The following CNPY2 variants were observed in gnomAD, a reference collection of about 807,000 sequenced individuals.
CNPY2 encodes protein canopy homolog 2.
CNPY2 carries 19 observed loss-of-function variants against 25.5 expected under a neutral mutation model. That is an observed-to-expected ratio of 0.74 (90% confidence interval 0.52 to 1.09). The LOEUF (loss-of-function observed/expected upper bound fraction) is 1.09, where lower values mean the gene tolerates loss of function less well. Among genes scored for constraint, CNPY2 ranks in the 50% least tolerant of loss-of-function variants. The probability of loss-of-function intolerance (pLI) is 0.00; values close to 1 mark genes in which losing one functional copy is unlikely to be tolerated. For missense variants in CNPY2, 214 were observed against 233.6 expected (o/e 0.92, Z 0.55); for synonymous variants, 82 against 85.0 (o/e 0.96, Z 0.19).
chr12:56,313,169 C>T (rs1002828373), intron 3 of CNPY2, among the ~76,000 whole-genome samples: 2 of 152,050 alleles, frequency 1.3e-5, no homozygotes, highest in African/African-American at 2.4e-5. Context: ...GTGTGACGTT[C>T]CCCTCCCTGT....
chr12:56,313,899 C>T (rs1286395145), intron 3 of CNPY2, among the ~76,000 whole-genome samples: 1 of 151,244 alleles, frequency 6.6e-6, no homozygotes, highest in African/African-American at 2.4e-5. Context: ...AGCCACCGCG[C>T]CCGGCCTTTT....
intron 3 of CNPY2, among the ~76,000 whole-genome samples, chr12:56,313,067 G>A (rs1873769141): frequency 6.6e-6 from 1 of 152,098 alleles, no homozygotes; most frequent in Non-Finnish European, 1.5e-5. Context: ...GTGCCATGGT[G>A]GTTTGCTACA....
chr12:56,314,687 G>A, intron 3 of CNPY2, 164 bp downstream of exon 3: 1 of 1,475,438 alleles, frequency 6.8e-7, no homozygotes, highest in Non-Finnish European at 9.0e-7. Flanking sequence ...CAGGAAGCAA[G>A]TGCATGGGGA....
At chr12:56,314,622 ACTCC>A (rs1403611875) in intron 3 of CNPY2, 2 of 1,403,368 alleles carry the variant, frequency 1.4e-6, no homozygotes, top group Non-Finnish European at 1.9e-6. Flanking sequence ...GCTGATCAGG[ACTCC>A]CTGTTTGCTA....
In CNPY2 at chr12:56,310,161, C is replaced by T. The variant is rs947459910; in HGVS notation, c.*391G>A. On this transcript the variant is annotated 3_prime_UTR_variant, in exon 6 of 6. Coordinates refer to ENST00000273308, the MANE Select transcript of CNPY2 (RefSeq NM_014255.7). ...ATTCTACACTACCATACACTATGTT[C>T]CCCTGCTTCCTCATGGAGGTTCCTC... 2 of 609,238 alleles carry T rather than the reference C, an allele frequency of 3.3e-6. No homozygotes were observed. The highest frequency in any genetic ancestry group is 5.8e-6 in the Non-Finnish European group (2 of 344,306). 37.7% of individuals were successfully genotyped at this position (609,238 alleles called of 1,614,324 possible).
intron 3 of CNPY2, chr12:56,312,996 T>C (rs1049343677): frequency 4.6e-5 from 7 of 152,232 alleles, no homozygotes; most frequent in African/African-American, 1.7e-4. Flanking sequence ...TTTTTTTAAA[T>C]TATAGTTTAA....
At chr12:56,316,214 A>C (rs1873948461), upstream of CNPY2, 1 of 152,786 alleles carries the variant, frequency 6.5e-6, no homozygotes, top group East Asian at 1.9e-4. Context: ...GTAGAATAGG[A>C]GTGGCCTTAA....
intron 3 of CNPY2, chr12:56,314,483 T>C (rs1873821472): frequency 8.9e-7 from 1 of 1,129,824 alleles, no homozygotes; most frequent in Non-Finnish European, 1.1e-6. Context: ...ATTATGAGGA[T>C]AAGACCTTTT....
At chr12:56,310,855 G>T in intron 5 of CNPY2, 103 bp downstream of exon 5, 1 of 1,064,986 alleles carries the variant, frequency 9.4e-7, no homozygotes, top group Non-Finnish European at 1.4e-6. Flanking sequence ...GACAGCTCTT[G>T]ACCTAATACC....
intron 3 of CNPY2, chr12:56,311,832 G>T (rs1429389616): frequency 4.1e-6 from 1 of 245,138 alleles, no homozygotes; most frequent in Non-Finnish European, 8.0e-6. Context: ...GATTACAGAC[G>T]TGAGCCACTG....
In CNPY2 at chr12:56,310,005, T is replaced by G. The variant is rs1464277231; in HGVS notation, c.*547A>C. On this transcript the variant is annotated 3_prime_UTR_variant, in exon 6 of 6. Transcript: ENST00000273308. The stretch of plus-strand genomic sequence containing the variant: ...GGTCACATCCATTTTCCCCTTCCTG[T>G]CTCTGTTCTTGCTGGTCCCTCCATC... 1.4e-6 allele frequency: 1 copy of G among 702,084 alleles called. No individual in the cohort carries two copies. Among genetic ancestry groups the G allele is most frequent in the Non-Finnish European group, 2.6e-6 (1 of 384,748 alleles). 43.5% of individuals were successfully genotyped at this position (702,084 alleles called of 1,614,324 possible).
At chr12:56,314,512 TCA>T in intron 3 of CNPY2, 2 of 1,156,482 alleles carry the variant, frequency 1.7e-6, no homozygotes, top group Non-Finnish European at 2.1e-6. Context: ...TTCTGTTTTT[TCA>T]TTTTTTATTT....
intron 3 of CNPY2, among the ~76,000 whole-genome samples, chr12:56,313,430 C>T (rs891683033): frequency 3.3e-5 from 5 of 151,792 alleles, no homozygotes; most frequent in South Asian, 2.1e-4. Context: ...GCAGAGGTTG[C>T]GGTGAGCCGA....
At chr12:56,313,727 C>T (rs556672011) in intron 3 of CNPY2, among the ~76,000 whole-genome samples, 8 of 151,304 alleles carry the variant, frequency 5.3e-5, no homozygotes, top group African/African-American at 1.9e-4. Flanking sequence ...TCGTCTCAGC[C>T]TCCTGAGTAG....
chr12:56,311,024 C>CA lies in CNPY2; in HGVS notation c.438dup (p.Glu147Ter). 1.2e-6 allele frequency: 2 copies of CA among 1,614,152 alleles called. No individual in the cohort carries two copies. The highest frequency in any genetic ancestry group is 1.7e-6 in the Non-Finnish European group (2 of 1,180,042). On this transcript the variant is annotated frameshift_variant, in exon 5 of 6. Transcript: ENST00000273308. LOFTEE classifies it high-confidence loss of function. ...TCTCGGGAAAAGAATTCAATGAGTT[C>CA]ATCCTCGTATTCCTCCACAATGCTC...
At chr12:56,313,155 T>C (rs1421083917) in intron 3 of CNPY2, among the ~76,000 whole-genome samples, 3 of 152,118 alleles carry the variant, frequency 2.0e-5, no homozygotes, top group Admixed American at 2.0e-4. Flanking sequence ...CAACAGGACC[T>C]GATGTGTGAC....
In CNPY2 at chr12:56,310,198, A is replaced by T. The variant is rs1035683281; in HGVS notation, c.*354T>A. 1 of 603,554 alleles carries T rather than the reference A, an allele frequency of 1.7e-6. No individual in the cohort carries two copies. Among genetic ancestry groups the T allele is most frequent in the African/African-American group, 1.9e-5 (1 of 53,930 alleles). The allele number at this position is 603,554 out of a possible 1,614,324, so 37.4% of individuals were successfully genotyped here. A position where few individuals can be genotyped will look rare whatever the true frequency, so the allele number is the denominator to read the frequency against. ...CATGGAGGTTCCTCTATTCTCCACA[A>T]TTAGACTCTAAAGACGTGGTATTGA... On this transcript the variant is annotated 3_prime_UTR_variant, in exon 6 of 6. Transcript: ENST00000273308.
chr12:56,312,222 CTTTTTTTTTTTTT>C (rs56822059), intron 3 of CNPY2, among the ~76,000 whole-genome samples: 114,809 of 136,256 alleles, frequency 0.84, 49,593 homozygotes, highest in South Asian at 0.98. Flanking sequence ...CAAAGTACTT[CTTTTTTTTTTTTT>C]TTTTTTTTTT....
intron 3 of CNPY2, 136 bp from the exon 4 acceptor site, chr12:56,311,550 G>T: frequency 2.2e-6 from 2 of 903,670 alleles, no homozygotes; most frequent in South Asian, 1.4e-5. Flanking sequence ...AATTAGTTTT[G>T]TTTGTTTGTT....
Sources: allele counts gnomAD v4.1 joint callset (sites outside exome capture counted in the v4.1 genomes callset), GRCh38; gene constraint gnomAD v4.1.1; transcripts MANE v1.5; gene names NCBI Gene and HGNC (gene_info 2026-07-23, HGNC 2026-07-21).